The following MEIKIN variants were observed in gnomAD, a reference collection of about 807,000 sequenced individuals.
MEIKIN encodes meiosis-specific kinetochore protein.
At chr5:131,916,835 T>C (rs1751421930) in intron 7 of MEIKIN, 51 bp downstream of exon 7, 1 of 395,894 alleles carries the variant, frequency 2.5e-6, no homozygotes. Context: ...ATATAACTAT[T>C]ATAATACAGG....
chr5:131,921,216 A>G (rs934690702), intron 6 of MEIKIN, among the ~76,000 whole-genome samples: 1 of 152,252 alleles, frequency 6.6e-6, no homozygotes, highest in African/African-American at 2.4e-5. Flanking sequence ...AGTTCAAAAT[A>G]AAAAGTTATA....
At chr5:131,933,131 G>A (rs1751716734) in intron 5 of MEIKIN, among the ~76,000 whole-genome samples, 1 of 152,082 alleles carries the variant, frequency 6.6e-6, no homozygotes, top group Non-Finnish European at 1.5e-5. Flanking sequence ...TTAATTTGTG[G>A]AGAAAATTCA....
intron 4 of MEIKIN, among the ~76,000 whole-genome samples, chr5:131,936,231 A>T (rs756564603): frequency 6.6e-6 from 1 of 152,228 alleles, no homozygotes; most frequent in Non-Finnish European, 1.5e-5. Context: ...ATTAAAAAAC[A>T]TATTTTTATC....
At chr5:131,874,842 AC>A (rs1750582061) in intron 9 of MEIKIN, among the ~76,000 whole-genome samples, 1 of 152,244 alleles carries the variant, frequency 6.6e-6, no homozygotes, top group Non-Finnish European at 1.5e-5. Context: ...GGTTCAACGT[AC>A]GAAAATCAAT....
chr5:131,933,073 T>A (rs1470396922), intron 5 of MEIKIN, among the ~76,000 whole-genome samples: 1 of 152,220 alleles, frequency 6.6e-6, no homozygotes, highest in Non-Finnish European at 1.5e-5. Flanking sequence ...TGATCTGCCA[T>A]CATTAACCAA....
At chr5:131,884,365 G>A (rs1361203320) in intron 8 of MEIKIN, among the ~76,000 whole-genome samples, 1 of 151,914 alleles carries the variant, frequency 6.6e-6, no homozygotes, top group African/African-American at 2.4e-5. Flanking sequence ...AGCCACAGCA[G>A]GGTAGGGTAC....
intron 12 of MEIKIN, among the ~76,000 whole-genome samples, chr5:131,810,985 C>CTT (rs1341486419): frequency 6.6e-6 from 1 of 152,110 alleles, no homozygotes; most frequent in Non-Finnish European, 1.5e-5. Flanking sequence ...ATAACATGAT[C>CTT]ACTAGTTAGC....
chr5:131,923,459 G>C (rs1306759558), intron 5 of MEIKIN, among the ~76,000 whole-genome samples: 1 of 150,292 alleles, frequency 6.7e-6, no homozygotes, highest in African/African-American at 2.4e-5. Flanking sequence ...TTCATATACT[G>C]TTCTTCTATC....
chr5:131,858,306 C>G (rs534958970), intron 9 of MEIKIN, among the ~76,000 whole-genome samples: 1 of 152,248 alleles, frequency 6.6e-6, no homozygotes, highest in Admixed American at 6.5e-5. Context: ...ATCTGATCTT[C>G]GACAAAGCTG....
At chr5:131,890,550 A>T (rs1252419514) in intron 8 of MEIKIN, among the ~76,000 whole-genome samples, 1 of 152,164 alleles carries the variant, frequency 6.6e-6, no homozygotes, top group Non-Finnish European at 1.5e-5. Flanking sequence ...TTTCTGTGGG[A>T]TCAGTGATGA....
At chr5:131,843,659 AG>A (rs1192531930) in intron 11 of MEIKIN, among the ~76,000 whole-genome samples, 1 of 152,216 alleles carries the variant, frequency 6.6e-6, no homozygotes, top group African/African-American at 2.4e-5. Flanking sequence ...TAAGTTCCTC[AG>A]CTCCATCTGA....
chr5:131,936,073 T>C (rs776272551), intron 4 of MEIKIN, among the ~76,000 whole-genome samples: 1 of 152,226 alleles, frequency 6.6e-6, no homozygotes, highest in Non-Finnish European at 1.5e-5. Flanking sequence ...ATAGCTGAGC[T>C]ATCCTTAACA....
At chr5:131,834,061 C>A (rs1368752805) in intron 11 of MEIKIN, among the ~76,000 whole-genome samples, 2 of 152,146 alleles carry the variant, frequency 1.3e-5, no homozygotes, top group African/African-American at 4.8e-5. Context: ...TGAAAGATAA[C>A]TGGTAGTGGA....
chr5:131,912,554 GTTGAAAACCAAATGTGAGAAGGGAA>G (rs892668157), intron 7 of MEIKIN, among the ~76,000 whole-genome samples: 1 of 152,040 alleles, frequency 6.6e-6, no homozygotes, highest in African/African-American at 2.4e-5. Flanking sequence ...AGAAAATGCA[GTTGAAAACCAAATGTGAGAAGGGAA>G]TTTTCTAAAT....
Position 131,884,411 on chromosome 5 carries a change from G to A in MEIKIN, c.704-5363C>T, listed in dbSNP as rs1195160896. Among the ~76,000 whole-genome samples the A allele has an allele frequency of 3.3e-5, 5 of 152,062 alleles. No individual in the cohort carries two copies. The South Asian group carries it at 8.3e-4, about 25-fold the overall frequency. On this transcript the variant is annotated intron_variant, in intron 8 of 12. Coordinates refer to ENST00000442687, the MANE Select transcript of MEIKIN (RefSeq NM_001303622.2). Reference sequence around the variant, plus strand: ...AGTAAGGCTCTGGCTCCCAGACAACGTTTCTAGACACACCCTGGGCCAGAA... The same window carrying A: ...AGTAAGGCTCTGGCTCCCAGACAACATTTCTAGACACACCCTGGGCCAGAA...
rs1580902168 is a variant in MEIKIN at position 131,908,885 on chromosome 5, A to G, written c.703+2930T>C. Among the ~76,000 whole-genome samples the G allele has an allele frequency of 2.0e-5, 3 of 152,212 alleles. No individual in the cohort carries two copies. In the East Asian group the frequency reaches 5.8e-4, roughly 29 times the overall value. On this transcript the variant is annotated intron_variant, in intron 8 of 12. Coordinates refer to ENST00000442687, the MANE Select transcript of MEIKIN (RefSeq NM_001303622.2). ...TTAACCAAAGATCTGAAAGATCTCTACAATGAAAACTATGAAACACTGATG... is the reference window on the plus strand; with the variant it reads ...TTAACCAAAGATCTGAAAGATCTCTGCAATGAAAACTATGAAACACTGATG...
At chr5:131,833,687 C>T (rs548385196) in intron 11 of MEIKIN, among the ~76,000 whole-genome samples, 2 of 152,248 alleles carry the variant, frequency 1.3e-5, no homozygotes, top group African/African-American at 2.4e-5. Context: ...TTCACTATCA[C>T]GAGTATAGCA....
intron 11 of MEIKIN, among the ~76,000 whole-genome samples, chr5:131,847,342 TG>T (rs1337982743): frequency 6.6e-6 from 1 of 151,896 alleles, no homozygotes; most frequent in Non-Finnish European, 1.5e-5. Context: ...AAATTAAAAG[TG>T]AAACAGAAAA....
At chr5:131,937,600 T>C (rs1464289259) in intron 4 of MEIKIN, among the ~76,000 whole-genome samples, 1 of 151,918 alleles carries the variant, frequency 6.6e-6, no homozygotes, top group African/African-American at 2.4e-5. Flanking sequence ...CTTCTTGGTG[T>C]GTGGATGGCA....
Sources: gnomAD v4.1 joint callset for allele counts (sites outside exome capture counted in the v4.1 genomes callset) on GRCh38, gnomAD v4.1.1 for gene constraint, MANE v1.5 for transcripts, NCBI Gene and HGNC (gene_info 2026-07-23, HGNC 2026-07-21) for gene names.